The following HTR2C variants were observed in gnomAD, a reference collection of about 807,000 sequenced individuals.
HTR2C encodes 5-hydroxytryptamine (serotonin) receptor 2C, G protein-coupled.
A neutral mutation model predicts 21.0 loss-of-function variants in HTR2C; 5 were observed. The ratio of observed to expected loss-of-function variants is 0.24; its 90% CI spans 0.12 to 0.50. The LOEUF (loss-of-function observed/expected upper bound fraction) is 0.50. Ranked by LOEUF, HTR2C falls within the 20% of genes least tolerant of loss-of-function variation. The pLI, the probability that HTR2C is intolerant of heterozygous loss-of-function variation, is 0.98. For missense variants in HTR2C, 271 were observed against 371.2 expected (o/e 0.73, Z 2.22); for synonymous variants, 150 against 145.3 (o/e 1.03, Z -0.23).
At chrX:114,775,435 C>T in intron 4 of HTR2C, 2 of 516,943 alleles carry the variant, frequency 3.9e-6, no homozygotes, top group South Asian at 4.7e-5. Context: ...GCACACTCAC[C>T]TTCATAAACC....
chrX:114,620,835 G>C (rs1929128324), intron 2 of HTR2C, among the ~76,000 whole-genome samples: 1 of 111,771 alleles, frequency 8.9e-6, no homozygotes, highest in South Asian at 3.7e-4. Context: ...CATGATGAGT[G>C]CTAGACTAGT....
chrX:114,665,907 A>T (rs1165106004), intron 2 of HTR2C, among the ~76,000 whole-genome samples: 1 of 111,845 alleles, frequency 8.9e-6, no homozygotes, highest in African/African-American at 3.2e-5. Flanking sequence ...TCAAGGATCA[A>T]CTGTATTTGG....
intron 4 of HTR2C, among the ~76,000 whole-genome samples, chrX:114,817,861 A>G (rs2070599599): frequency 9.0e-6 from 1 of 111,645 alleles, no homozygotes; most frequent in Non-Finnish European, 1.9e-5. Context: ...GGCCAATATT[A>G]TCCTGATGCC....
chrX:114,815,944 G>A (rs1242888127), intron 4 of HTR2C, among the ~76,000 whole-genome samples: 1 of 110,035 alleles, frequency 9.1e-6, no homozygotes, highest in East Asian at 2.9e-4. Flanking sequence ...TGATCTCCTT[G>A]ACATTTTCGA....
At chrX:114,901,869 G>A (rs1438959245) in intron 5 of HTR2C, among the ~76,000 whole-genome samples, 2 of 109,844 alleles carry the variant, frequency 1.8e-5, no homozygotes, top group Admixed American at 9.7e-5. Flanking sequence ...ATTTTTTTTT[G>A]TCTGGATTGA....
chrX:114,890,563 A>G (rs1208670514), intron 5 of HTR2C, among the ~76,000 whole-genome samples: 2 of 111,942 alleles, frequency 1.8e-5, no homozygotes, highest in Non-Finnish European at 3.8e-5. Flanking sequence ...ATTTTTTGCT[A>G]TCTACAAATA....
chrX:114,605,821 A>G (rs1291627526), intron 1 of HTR2C, among the ~76,000 whole-genome samples: 1 of 107,528 alleles, frequency 9.3e-6, no homozygotes, highest in Non-Finnish European at 1.9e-5. Flanking sequence ...GAGTAGAGAA[A>G]TGGAGGAAAG....
At chrX:114,831,552 T>A (rs2147470184) in intron 4 of HTR2C, among the ~76,000 whole-genome samples, 1 of 91,018 alleles carries the variant, frequency 1.1e-5, no homozygotes, top group Non-Finnish European at 2.2e-5. Flanking sequence ...GTTGTTTGTT[T>A]TTTTCTTGTA....
chrX:114,711,086 T>C (rs943601623), intron 2 of HTR2C, among the ~76,000 whole-genome samples: 3 of 112,207 alleles, frequency 2.7e-5, no homozygotes, highest in Non-Finnish European at 3.8e-5. Flanking sequence ...GGCTAGATTA[T>C]CTATGGAGGC....
At chrX:114,753,488 A>G (rs2069781853) in intron 4 of HTR2C, among the ~76,000 whole-genome samples, 1 of 111,747 alleles carries the variant, frequency 8.9e-6, no homozygotes, top group South Asian at 3.7e-4. Context: ...TTAGAAAGAA[A>G]GAAGTAAAAC....
chrX:114,665,595 G>C (rs1280081567), intron 2 of HTR2C, among the ~76,000 whole-genome samples: 1 of 111,897 alleles, frequency 8.9e-6, no homozygotes, highest in African/African-American at 3.2e-5. Flanking sequence ...TTATGTACTG[G>C]ATTCTTACAA....
At chrX:114,595,373 G>A (rs967338010) in intron 1 of HTR2C, among the ~76,000 whole-genome samples, 13 of 63,958 alleles carry the variant, frequency 2.0e-4, no homozygotes, top group African/African-American at 5.1e-4. Context: ...GTGTGTCACC[G>A]TGCCCAGGTT....
chrX:114,759,930 A>G (rs2069849823), intron 4 of HTR2C, among the ~76,000 whole-genome samples: 1 of 112,044 alleles, frequency 8.9e-6, no homozygotes, highest in African/African-American at 3.2e-5. Context: ...GCCATATTAA[A>G]TGATATGATA....
chrX:114,819,532 A>G (rs1286620353), intron 4 of HTR2C, among the ~76,000 whole-genome samples: 1 of 112,536 alleles, frequency 8.9e-6, no homozygotes. Context: ...TGCATATAAC[A>G]TATGACCCAT....
intron 5 of HTR2C, among the ~76,000 whole-genome samples, chrX:114,866,619 G>A (rs782232998): frequency 1.0e-4 from 11 of 105,977 alleles, no homozygotes; most frequent in African/African-American, 1.4e-4. Flanking sequence ...TTTTGTACCC[G>A]TTAACCATCC....
chrX:114,908,013 G>C lies in HTR2C; in HGVS notation c.*598G>C, dbSNP rs1380575469. On this transcript the variant is annotated 3_prime_UTR_variant, in exon 6 of 6. Coordinates refer to ENST00000276198, the MANE Select transcript of HTR2C (RefSeq NM_000868.4). ...TTGACATTGTCAGAATGTTGTGTTG[G>C]TATTTACTGCAATGTCTGTCCCTAA... 2.7e-5 allele frequency: 3 copies of C among 112,514 alleles called. No homozygotes were observed. The highest frequency in any genetic ancestry group is 9.7e-5 in the African/African-American group (3 of 30,841). 9.3% of individuals were successfully genotyped at this position (112,514 alleles called of 1,213,427 possible). A position where few individuals can be genotyped will look rare whatever the true frequency, so the allele number is the denominator to read the frequency against.
intron 4 of HTR2C, chrX:114,775,417 T>TGGTC (rs1556438464): frequency 1.9e-6 from 1 of 522,073 alleles, no homozygotes. Context: ...TTGTCATCCT[T>TGGTC]GGTCATAGCA....
intron 2 of HTR2C, among the ~76,000 whole-genome samples, chrX:114,691,122 A>G (rs1416557857): frequency 9.0e-6 from 1 of 111,516 alleles, no homozygotes; most frequent in Admixed American, 9.6e-5. Flanking sequence ...AAAGTCATAC[A>G]GTGAGAAAGA....
chrX:114,823,463 T>C (rs945396434), intron 4 of HTR2C: 2 of 344,607 alleles, frequency 5.8e-6, no homozygotes, highest in East Asian at 1.8e-4. Context: ...GGCCGGGAGG[T>C]TGAACATCCT....
Sources: gnomAD v4.1 joint callset for allele counts (sites outside exome capture counted in the v4.1 genomes callset) on GRCh38, gnomAD v4.1.1 for gene constraint, MANE v1.5 for transcripts, NCBI Gene and HGNC (gene_info 2026-07-23, HGNC 2026-07-21) for gene names.